ZNF407: variants seen among roughly 807,000 people sequenced by gnomAD.
The protein encoded by ZNF407 is zinc finger protein 407.
A neutral mutation model predicts 131.2 loss-of-function variants in ZNF407; 17 were observed. The observed-to-expected ratio is 0.13, with a 90% CI of 0.09 to 0.19. ZNF407 has a LOEUF of 0.19. Among genes scored for constraint, ZNF407 ranks in the 10% least tolerant of loss-of-function variants. The pLI, the probability that ZNF407 is intolerant of heterozygous loss-of-function variation, is 1.00. For missense variants in ZNF407, 2,681 were observed against 2,830.6 expected (o/e 0.95, Z 1.20); for synonymous variants, 1,156 against 1,062.0 (o/e 1.09, Z -1.72).
chr18:74,984,933 A>G (rs1409578289), intron 8 of ZNF407, among the ~76,000 whole-genome samples: 1 of 152,200 alleles, frequency 6.6e-6, no homozygotes, highest in Non-Finnish European at 1.5e-5. Context: ...CTGTTCATTT[A>G]TTTTTAACTC....
intron 8 of ZNF407, among the ~76,000 whole-genome samples, chr18:74,932,073 G>A (rs890687957): frequency 2.0e-5 from 3 of 151,990 alleles, no homozygotes; most frequent in African/African-American, 7.2e-5. Flanking sequence ...TATGCTCTGA[G>A]CTTTTGATAC....
intron 8 of ZNF407, among the ~76,000 whole-genome samples, chr18:75,009,202 T>C (rs1348340408): frequency 6.6e-6 from 1 of 152,250 alleles, no homozygotes; most frequent in Non-Finnish European, 1.5e-5. Flanking sequence ...CAGCTTTTCC[T>C]ATGTAGTCAG....
At chr18:75,041,216 C>A (rs1417030880) in intron 8 of ZNF407, among the ~76,000 whole-genome samples, 2 of 152,174 alleles carry the variant, frequency 1.3e-5, no homozygotes, top group East Asian at 3.9e-4. Context: ...GCTAGATCTG[C>A]CTGAGTCTTA....
At chr18:74,990,960 AG>A (rs1168366824) in intron 8 of ZNF407, among the ~76,000 whole-genome samples, 1 of 151,658 alleles carries the variant, frequency 6.6e-6, no homozygotes, top group Non-Finnish European at 1.5e-5. Context: ...GTGTAGGTGA[AG>A]GGGGTGCTGA....
In ZNF407 at chr18:74,641,133, T is replaced by C. The variant is rs749919583; in HGVS notation, c.4802+11T>C. 6.3e-7 allele frequency: 1 copy of C among 1,596,372 alleles called. No homozygotes were observed. The highest frequency in any genetic ancestry group is 8.6e-7 in the Non-Finnish European group (1 of 1,164,090). On this transcript the variant is annotated intron_variant, in intron 3 of 8. Transcript: ENST00000299687. The stretch of plus-strand genomic sequence containing the variant: ...GTGTCATGTCTGTGGGTGAGTAAAT[T>C]GAAGCCATCTCTGCTGCGTGAACCA...
At position 75,045,262 on chromosome 18, in the gene ZNF407, A is replaced by C. The variant is rs940613710; in HGVS notation, c.5429-17888A>C. Among the ~76,000 whole-genome samples, 5 of 152,200 alleles carry C rather than the reference A, an allele frequency of 3.3e-5. No individual in the cohort carries two copies. The East Asian group carries it at 9.6e-4, about 29-fold the overall frequency. ...TATAACTGGAGATGAAAGAAAATAT[A>C]ATCTAACTGGTGGTAAGTTATTCAT... On this transcript the variant is annotated intron_variant, in intron 8 of 8. Coordinates refer to ENST00000299687, the MANE Select transcript of ZNF407 (RefSeq NM_017757.3).
At chr18:74,987,511 A>G (rs1218366416) in intron 8 of ZNF407, among the ~76,000 whole-genome samples, 3 of 152,206 alleles carry the variant, frequency 2.0e-5, no homozygotes, top group African/African-American at 7.2e-5. Context: ...AGGCTTCTCT[A>G]TTGATCGGGC....
At chr18:74,953,357 C>T (rs1051437106) in intron 8 of ZNF407, among the ~76,000 whole-genome samples, 16 of 152,202 alleles carry the variant, frequency 1.1e-4, no homozygotes, top group South Asian at 6.2e-4. Flanking sequence ...CAGCAACCAA[C>T]GCCTTAATGT....
chr18:74,971,447 C>T (rs1972471219), intron 8 of ZNF407, among the ~76,000 whole-genome samples: 1 of 152,158 alleles, frequency 6.6e-6, no homozygotes, highest in Admixed American at 6.5e-5. Flanking sequence ...TGCTTTGCTG[C>T]TTAGAAATTT....
chr18:74,664,702 GTC>G (rs773573805), intron 3 of ZNF407, among the ~76,000 whole-genome samples: 3 of 151,716 alleles, frequency 2.0e-5, no homozygotes, highest in Non-Finnish European at 2.9e-5. Context: ...CTGTCTCTCT[GTC>G]TCTCTCTCTC....
rs1181811163 is a variant in ZNF407 at position 74,633,238 on chromosome 18, A to C, written c.2219A>C (p.Asn740Thr). The C allele has an allele frequency of 6.2e-7, 1 of 1,613,856 alleles. No individual in the cohort carries two copies. The highest frequency in any genetic ancestry group is 1.7e-5 in the Admixed American group (1 of 60,006). Residue 740 changes from asparagine (N) to threonine (T), a missense_variant, in exon 2 of 9, where the codon AAT (asparagine) becomes ACT (threonine). Asn to Thr is a moderately conservative substitution (Grantham distance 65). Transcript: ENST00000299687. Reference protein sequence around the residue: ...QDYHFLCKACNLYSLSKEGME... With the variant: ...QDYHFLCKACTLYSLSKEGME... ...TATCATTTTCTTTGTAAAGCTTGTA[A>C]TCTTTATTCATTGAGCAAAGAAGGA...
chr18:74,697,249 A>G (rs1023522810), intron 3 of ZNF407, among the ~76,000 whole-genome samples: 1 of 152,188 alleles, frequency 6.6e-6, no homozygotes, highest in African/African-American at 2.4e-5. Flanking sequence ...TAGGTGGGCA[A>G]TGTTGTATTT....
intron 1 of ZNF407, among the ~76,000 whole-genome samples, chr18:74,621,255 A>G (rs1011124152): frequency 6.6e-5 from 10 of 152,076 alleles, no homozygotes; most frequent in Non-Finnish European, 1.3e-4. Flanking sequence ...AGCAATAGGT[A>G]ATTCCTTTAG....
At chr18:74,888,962 C>A (rs1599222958) in intron 6 of ZNF407, among the ~76,000 whole-genome samples, 1 of 152,186 alleles carries the variant, frequency 6.6e-6, no homozygotes, top group Non-Finnish European at 1.5e-5. Context: ...TGTTGGTCAA[C>A]AACAGACCAC....
chr18:75,030,533 A>G (rs991651835), intron 8 of ZNF407, among the ~76,000 whole-genome samples: 2 of 152,242 alleles, frequency 1.3e-5, no homozygotes, highest in Non-Finnish European at 2.9e-5. Context: ...GTATTGAAAA[A>G]GAAATGCTTT....
chr18:74,779,271 A>G (rs1164431097), intron 3 of ZNF407, among the ~76,000 whole-genome samples: 3 of 151,188 alleles, frequency 2.0e-5, no homozygotes, highest in Admixed American at 1.3e-4. Context: ...GCCCGCCACC[A>G]CACCCGGCTA....
intron 8 of ZNF407, among the ~76,000 whole-genome samples, chr18:75,023,573 TACCC>T (rs1555710598): frequency 6.6e-6 from 1 of 152,200 alleles, no homozygotes; most frequent in Non-Finnish European, 1.5e-5. Context: ...TAATCAAAGC[TACCC>T]TCTGATTTAA....
At position 74,939,012 on chromosome 18, in the gene ZNF407, G is replaced by A. The variant is rs143573889; in HGVS notation, c.5428+18320G>A. Among the ~76,000 whole-genome samples the A allele has an allele frequency of 1.0e-3, 152 of 152,306 alleles. 1 individual carries two copies. The highest frequency in any genetic ancestry group is 3.4e-3 in the African/African-American group (142 of 41,564). On this transcript the variant is annotated intron_variant, in intron 8 of 8. Coordinates refer to ENST00000299687, the MANE Select transcript of ZNF407 (RefSeq NM_017757.3). ...AGAGCATAGAGATAGAGTTGACATTGCAGGGTAAGACATAATCTAAGGTGT... is the reference window on the plus strand; with the variant it reads ...AGAGCATAGAGATAGAGTTGACATTACAGGGTAAGACATAATCTAAGGTGT...
intron 3 of ZNF407, among the ~76,000 whole-genome samples, chr18:74,673,184 T>G (rs1227268849): frequency 6.6e-6 from 1 of 152,234 alleles, no homozygotes. Context: ...ATCAGTTTCC[T>G]GCTGCTGCTG....
Sources: gnomAD v4.1 joint callset for allele counts (sites outside exome capture counted in the v4.1 genomes callset) on GRCh38, gnomAD v4.1.1 for gene constraint, MANE v1.5 for transcripts, NCBI Gene and HGNC (gene_info 2026-07-23, HGNC 2026-07-21) for gene names.